Variants in VRK2 observed in about 807,000 individuals in gnomAD.
VRK2 encodes the protein VRK serine/threonine kinase 2.
In VRK2, 60 loss-of-function variants were observed where a neutral mutation model predicts 57.6. The ratio of observed to expected loss-of-function variants is 1.04; its 90% CI spans 0.85 to 1.29. The LOEUF (loss-of-function observed/expected upper bound fraction) is 1.29. Among genes scored for constraint, VRK2 ranks in the 50% most tolerant of loss-of-function variants. The pLI is 0.00. For synonymous variants in VRK2, 231 were observed against 199.2 expected (o/e 1.16, Z -1.35); for missense variants, 705 against 588.1 (o/e 1.20, Z -2.06).
intron 1 of VRK2, among the ~76,000 whole-genome samples, chr2:58,022,290 A>C (rs1286601345): frequency 2.0e-5 from 3 of 152,208 alleles, no homozygotes; most frequent in Non-Finnish European, 2.9e-5. Context: ...TTACTTGAAA[A>C]GTTCTGTGAA....
chr2:58,122,232 T>G (rs984082933), intron 7 of VRK2, among the ~76,000 whole-genome samples: 1 of 152,194 alleles, frequency 6.6e-6, no homozygotes, highest in Admixed American at 6.5e-5. Flanking sequence ...TAAAGGAGAC[T>G]CATAACATTA....
intron 1 of VRK2, among the ~76,000 whole-genome samples, chr2:57,924,846 T>C (rs1670479344): frequency 6.6e-6 from 1 of 152,018 alleles, no homozygotes; most frequent in Non-Finnish European, 1.5e-5. Flanking sequence ...GGGTCTGTCA[T>C]ATATGGCCTT....
At chr2:57,991,971 A>G (rs2104085300) in intron 1 of VRK2, among the ~76,000 whole-genome samples, 1 of 151,880 alleles carries the variant, frequency 6.6e-6, no homozygotes, top group East Asian at 1.9e-4. Context: ...AAAAAAAAAA[A>G]ATTTGATTTG....
At chr2:58,016,080 C>T (rs1189942233) in intron 1 of VRK2, among the ~76,000 whole-genome samples, 2 of 152,088 alleles carry the variant, frequency 1.3e-5, no homozygotes, top group Non-Finnish European at 2.9e-5. Flanking sequence ...TTGAGTTACA[C>T]TGCCTGGATC....
intron 1 of VRK2, among the ~76,000 whole-genome samples, chr2:57,913,108 T>A (rs1277463449): frequency 6.6e-6 from 1 of 152,162 alleles, no homozygotes; most frequent in Non-Finnish European, 1.5e-5. Flanking sequence ...ATACGGTCTA[T>A]GATATTTTTG....
chr2:58,150,126 G>A (rs1049052197), intron 12 of VRK2, among the ~76,000 whole-genome samples: 2 of 150,554 alleles, frequency 1.3e-5, no homozygotes, highest in Non-Finnish European at 3.0e-5. Flanking sequence ...TTGTTTTCAG[G>A]GTCATTATGA....
At chr2:58,031,993 ATCTC>A (rs1674125033) in intron 2 of VRK2, among the ~76,000 whole-genome samples, 1 of 152,090 alleles carries the variant, frequency 6.6e-6, no homozygotes, top group Non-Finnish European at 1.5e-5. Context: ...ACTTCAAATC[ATCTC>A]TCTGGTTGAT....
intron 12 of VRK2, among the ~76,000 whole-genome samples, chr2:58,150,890 A>C (rs1345221929): frequency 6.6e-6 from 1 of 151,458 alleles, no homozygotes; most frequent in African/African-American, 2.4e-5. Context: ...CCCATGGATT[A>C]TTTATTAGTA....
intron 2 of VRK2, among the ~76,000 whole-genome samples, chr2:58,076,075 T>C (rs1670058700): frequency 6.6e-6 from 1 of 151,602 alleles, no homozygotes; most frequent in Admixed American, 6.6e-5. Flanking sequence ...CTCTCTTTAC[T>C]TTTTAAGAGC....
rs989428120 is a variant in VRK2, at chr2:58,101,844, A to G, written c.543+12121A>G. On this transcript the variant is annotated intron_variant, in intron 7 of 12. Coordinates refer to ENST00000340157, the MANE Select transcript of VRK2 (RefSeq NM_006296.7). Reference sequence around the variant, plus strand: ...AAATAGGAAAACAGGGATTGTGTTTATTTCAACTTATATTTCCAGAAGCTG... The same window carrying G: ...AAATAGGAAAACAGGGATTGTGTTTGTTTCAACTTATATTTCCAGAAGCTG... Among the ~76,000 whole-genome samples the G allele has an allele frequency of 4.6e-5, 7 of 151,746 alleles. No homozygotes were observed. In the East Asian group the frequency reaches 1.3e-3, roughly 29 times the overall value.
chr2:57,973,666 T>G (rs528778806), intron 1 of VRK2, among the ~76,000 whole-genome samples: 22 of 151,966 alleles, frequency 1.4e-4, no homozygotes, highest in African/African-American at 5.3e-4. Flanking sequence ...TAGGATTTTG[T>G]GGAAGATATG....
intron 2 of VRK2, chr2:58,058,274 A>G (rs1676825727): frequency 6.7e-6 from 3 of 450,314 alleles, no homozygotes; most frequent in Non-Finnish European, 9.2e-6. Flanking sequence ...TTTGGGAATG[A>G]TGAATTTGCC....
chr2:58,072,662 A>G lies in VRK2; in HGVS notation c.137-11427A>G, dbSNP rs1009122891. Among the ~76,000 whole-genome samples the G allele has an allele frequency of 3.3e-5, 5 of 152,032 alleles. No individual in the cohort carries two copies. In the East Asian group the frequency reaches 9.7e-4, roughly 29 times the overall value. ...TATGCATTGATGGATTTGATTTGCT[A>G]ATGTTTTGTTGAGGATTTTTTTATC... On this transcript the variant is annotated intron_variant, in intron 2 of 12. Coordinates refer to ENST00000340157, the MANE Select transcript of VRK2 (RefSeq NM_006296.7).
At chr2:58,137,511 T>C (rs539369109) in intron 10 of VRK2, among the ~76,000 whole-genome samples, 6 of 151,966 alleles carry the variant, frequency 3.9e-5, no homozygotes, top group Non-Finnish European at 5.9e-5. Flanking sequence ...ATTTATAAAA[T>C]GCAGATTTCT....
chr2:57,951,144 A>G (rs1462894741), intron 1 of VRK2, among the ~76,000 whole-genome samples: 1 of 152,170 alleles, frequency 6.6e-6, no homozygotes. Context: ...GGAGTTCAAA[A>G]TAAATATCAA....
chr2:58,021,192 T>C (rs1009447878), intron 1 of VRK2, among the ~76,000 whole-genome samples: 10 of 152,194 alleles, frequency 6.6e-5, no homozygotes, highest in African/African-American at 2.4e-4. Flanking sequence ...TGATTTGCTA[T>C]ATAATTACAG....
At chr2:58,156,465 C>A (rs1683867927) in intron 12 of VRK2, among the ~76,000 whole-genome samples, 1 of 152,164 alleles carries the variant, frequency 6.6e-6, no homozygotes, top group African/African-American at 2.4e-5. Context: ...TCTCTTATTT[C>A]TCTGAGTTCC....
At chr2:57,910,243 T>C (rs529026594) in intron 1 of VRK2, among the ~76,000 whole-genome samples, 35 of 152,312 alleles carry the variant, frequency 2.3e-4, no homozygotes, top group Non-Finnish European at 4.3e-4. Flanking sequence ...CCTTTCTCCA[T>C]GCAGATTTTC....
chr2:58,017,518 C>T (rs776270681), intron 1 of VRK2, among the ~76,000 whole-genome samples: 2 of 152,220 alleles, frequency 1.3e-5, no homozygotes, highest in Non-Finnish European at 2.9e-5. Flanking sequence ...GGGGCCTCTT[C>T]ATGGCCTTCT....
Sources: allele counts gnomAD v4.1 joint callset (sites outside exome capture counted in the v4.1 genomes callset), GRCh38; gene constraint gnomAD v4.1.1; transcripts MANE v1.5; gene names NCBI Gene and HGNC (gene_info 2026-07-23, HGNC 2026-07-21).